The following CIMIP6 variants were observed in gnomAD, a reference collection of about 807,000 sequenced individuals.
CIMIP6 encodes the protein ciliary microtubule inner protein 6.
the CIMIP6 span, among the ~76,000 whole-genome samples, chr2:54,363,245 G>A: frequency 6.6e-6 from 1 of 152,088 alleles, no homozygotes; most frequent in Admixed American, 6.5e-5. Context: ...AGTTTCTGTT[G>A]ACTATAGCCT....
At chr2:54,331,073 T>A in the CIMIP6 span, 1 of 1,502,678 alleles carries the variant, frequency 6.7e-7, no homozygotes, top group Non-Finnish European at 9.2e-7. Flanking sequence ...GAGGCCGGGA[T>A]CCAGCATGGA....
the CIMIP6 span, chr2:54,330,913 C>T: frequency 3.2e-6 from 5 of 1,547,536 alleles, no homozygotes; most frequent in South Asian, 1.1e-5. Context: ...CACCCTTTTC[C>T]TGGCAGGGCT....
the CIMIP6 span, among the ~76,000 whole-genome samples, chr2:54,333,008 G>A: frequency 2.0e-5 from 3 of 152,270 alleles, no homozygotes; most frequent in South Asian, 4.2e-4. Context: ...TGTACTGGAG[G>A]GGTGGTTGAG....
chr2:54,343,811 C>T, the CIMIP6 span: 1 of 1,612,788 alleles, frequency 6.2e-7, no homozygotes, highest in Non-Finnish European at 8.5e-7. Flanking sequence ...TTCCAAAAAC[C>T]ATCGTGTCCA....
At chr2:54,345,857 A>T in the CIMIP6 span, among the ~76,000 whole-genome samples, 1 of 152,246 alleles carries the variant, frequency 6.6e-6, no homozygotes, top group African/African-American at 2.4e-5. Flanking sequence ...TCAACAGAAG[A>T]TTCTAAAAGT....
the CIMIP6 span, among the ~76,000 whole-genome samples, chr2:54,375,885 G>GGTGTGTGTGT: frequency 0.022 from 3,273 of 150,222 alleles, 52 homozygotes; most frequent in Middle Eastern, 0.048. Context: ...TCATATAGGG[G>GGTGTGTGTGT]GTGTGTGTGT....
At chr2:54,367,094 T>C in the CIMIP6 span, among the ~76,000 whole-genome samples, 1 of 152,072 alleles carries the variant, frequency 6.6e-6, no homozygotes, top group Non-Finnish European at 1.5e-5. Flanking sequence ...TCACTGTGCT[T>C]CATCATTTCC....
chr2:54,332,055 G>T, the CIMIP6 span, among the ~76,000 whole-genome samples: 1 of 152,184 alleles, frequency 6.6e-6, no homozygotes, highest in Non-Finnish European at 1.5e-5. Context: ...TGCCAATGCT[G>T]CTACTCCAGT....
the CIMIP6 span, chr2:54,360,722 GTTA>G: frequency 1.3e-6 from 1 of 742,494 alleles, no homozygotes. Context: ...ACAACCAAAT[GTTA>G]TTAATAAGAG....
At chr2:54,342,425 T>C in the CIMIP6 span, among the ~76,000 whole-genome samples, 3 of 152,316 alleles carry the variant, frequency 2.0e-5, no homozygotes, top group Admixed American at 1.3e-4. Flanking sequence ...CCTTTGACAA[T>C]TGTATAAATT....
At chr2:54,362,896 G>A in the CIMIP6 span, among the ~76,000 whole-genome samples, 5 of 152,126 alleles carry the variant, frequency 3.3e-5, no homozygotes, top group South Asian at 2.1e-4. Context: ...CAAGAATTCC[G>A]TGACACTTTC....
At chr2:54,341,411 G>A in the CIMIP6 span, among the ~76,000 whole-genome samples, 1 of 152,148 alleles carries the variant, frequency 6.6e-6, no homozygotes, top group East Asian at 1.9e-4. Flanking sequence ...ACCTGCCAGT[G>A]CCTTGATCTT....
At chr2:54,367,596 A>G in the CIMIP6 span, among the ~76,000 whole-genome samples, 3 of 152,168 alleles carry the variant, frequency 2.0e-5, no homozygotes, top group East Asian at 3.8e-4. Context: ...CAGAATTGCT[A>G]TTCTCTAAGG....
the CIMIP6 span, among the ~76,000 whole-genome samples, chr2:54,358,171 C>T: frequency 1.4e-4 from 22 of 152,062 alleles, no homozygotes; most frequent in Non-Finnish European, 1.5e-4. Context: ...TGTTATTGGG[C>T]GAAATGAAAA....
the CIMIP6 span, among the ~76,000 whole-genome samples, chr2:54,347,810 G>A: frequency 4.7e-4 from 71 of 152,260 alleles, 1 homozygote; most frequent in African/African-American, 1.7e-3. Flanking sequence ...GGTATGTGAT[G>A]CCTCCCGATT....
At chr2:54,355,617 T>G in the CIMIP6 span, among the ~76,000 whole-genome samples, 1 of 152,166 alleles carries the variant, frequency 6.6e-6, no homozygotes, top group Admixed American at 6.5e-5. Context: ...CTTCCATGTC[T>G]CTGAGCTTTT....
At chr2:54,331,732 A>G in the CIMIP6 span, among the ~76,000 whole-genome samples, 4 of 151,926 alleles carry the variant, frequency 2.6e-5, no homozygotes, top group East Asian at 1.9e-4. Context: ...ATCTGGCTTC[A>G]ACCAAGGCAT....
chr2:54,354,615 A>G, the CIMIP6 span, among the ~76,000 whole-genome samples: 1 of 152,002 alleles, frequency 6.6e-6, no homozygotes, highest in African/African-American at 2.4e-5. Flanking sequence ...ATTTTTCATT[A>G]TATCTTCTAG....
At chr2:54,347,445 G>T in the CIMIP6 span, among the ~76,000 whole-genome samples, 5 of 152,132 alleles carry the variant, frequency 3.3e-5, no homozygotes, top group African/African-American at 1.2e-4. Context: ...TGATGAACTG[G>T]TTAAAATATG....
Sources: allele counts gnomAD v4.1 joint callset (sites outside exome capture counted in the v4.1 genomes callset), GRCh38; gene constraint gnomAD v4.1.1; transcripts MANE v1.5; gene names NCBI Gene and HGNC (gene_info 2026-07-23, HGNC 2026-07-21).